BICD1: variants seen among roughly 807,000 people sequenced by gnomAD.
BICD1 encodes the protein BICD cargo adaptor 1.
Under a neutral mutation model 92.5 loss-of-function variants are expected in BICD1, and 35 were observed. The observed-to-expected ratio is 0.38, with a 90% CI of 0.29 to 0.50. The LOEUF is 0.50. Ranked by LOEUF, BICD1 falls within the 20% of genes least tolerant of loss-of-function variation. BICD1 has a pLI of 0.93. For missense variants in BICD1, 950 were observed against 1,189.8 expected (o/e 0.80, Z 2.97); for synonymous variants, 429 against 465.1 (o/e 0.92, Z 1.00).
intron 1 of BICD1, among the ~76,000 whole-genome samples, chr12:32,199,478 A>C (rs1396324993): frequency 1.3e-5 from 2 of 152,210 alleles, no homozygotes; most frequent in Non-Finnish European, 2.9e-5. Context: ...AACGAGAAGC[A>C]GATGAACTGG....
rs548419529 is a variant in BICD1 at position 32,196,249 on chromosome 12, T to C, written c.214-19998T>C. Among the ~76,000 whole-genome samples, 12 of 152,234 alleles carry C rather than the reference T, an allele frequency of 7.9e-5. No individual in the cohort carries two copies. In the East Asian group the frequency reaches 1.9e-3, roughly 24 times the overall value. On this transcript the variant is annotated intron_variant, in intron 1 of 9. Transcript: ENST00000652176. ...AAACAGTATGGACGTTCTTCCAAAA[T>C]TTAAAAAAAGAGCTACCATATGATC...
In BICD1 at chr12:32,294,131, G is replaced by A. The variant is rs781240433; in HGVS notation, c.564G>A (p.Thr188=). Residue 188 remains threonine (T), a synonymous_variant, in exon 3 of 10, where the codon ACG becomes ACA. Transcript: ENST00000652176. ...ENITLQKLVS[T]LKQNQVEYEG... ...TCACATTGCAGAAACTAGTGTCCAC[G>A]TTGAAGCAGAACCAGGTAAGGTTTA... 1.2e-5 allele frequency: 20 copies of A among 1,601,660 alleles called. No individual in the cohort carries two copies. Among genetic ancestry groups the A allele is most frequent in the Middle Eastern group, 1.7e-4 (1 of 6,058 alleles).
rs1229105891 is a variant in BICD1 at position 32,287,575 on chromosome 12, C to T, written c.427-6419C>T. Among the ~76,000 whole-genome samples the T allele has an allele frequency of 4.9e-5, 7 of 142,848 alleles. No individual in the cohort carries two copies. In the East Asian group the frequency reaches 6.6e-4, roughly 14 times the overall value. The allele number at this position is 142,848 out of a possible 152,430, so 93.7% of individuals were successfully genotyped here. On this transcript the variant is annotated intron_variant, in intron 2 of 9. Coordinates refer to ENST00000652176, the MANE Select transcript of BICD1 (RefSeq NM_001714.4). ...TTTTTGAGATGGAGTCTGTCTCTGTCGCCCAGGCTGGAGTGCAGTGGCACG... is the reference window on the plus strand; with the variant it reads ...TTTTTGAGATGGAGTCTGTCTCTGTTGCCCAGGCTGGAGTGCAGTGGCACG...
At chr12:32,166,719 G>T (rs1484952619) in intron 1 of BICD1, among the ~76,000 whole-genome samples, 2 of 152,174 alleles carry the variant, frequency 1.3e-5, no homozygotes, top group African/African-American at 4.8e-5. Flanking sequence ...TTACAGACAG[G>T]CGCCTGTCTC....
chr12:32,325,364 C>T (rs1318968760), intron 4 of BICD1, among the ~76,000 whole-genome samples: 1 of 152,262 alleles, frequency 6.6e-6, no homozygotes, highest in Admixed American at 6.5e-5. Context: ...GGCCGTTGGT[C>T]ATGATGTTAT....
At chr12:32,226,955 T>TG (rs1228265751) in intron 2 of BICD1, among the ~76,000 whole-genome samples, 33 of 152,116 alleles carry the variant, frequency 2.2e-4, no homozygotes, top group Admixed American at 3.3e-4. Context: ...TCCCACAGCT[T>TG]GGCACAGACC....
intron 2 of BICD1, among the ~76,000 whole-genome samples, chr12:32,245,382 A>G (rs1005764002): frequency 2.6e-5 from 4 of 152,170 alleles, no homozygotes; most frequent in Admixed American, 2.0e-4. Flanking sequence ...AGCTCAATTC[A>G]AGTGACTATT....
At chr12:32,125,938 G>T (rs1942314772) in intron 1 of BICD1, among the ~76,000 whole-genome samples, 1 of 151,192 alleles carries the variant, frequency 6.6e-6, no homozygotes, top group Non-Finnish European at 1.5e-5. Flanking sequence ...AGTCCCAGCT[G>T]CTCGGGAGCC....
intron 4 of BICD1, 63 bp downstream of exon 4, chr12:32,306,185 G>A: frequency 1.4e-6 from 2 of 1,410,782 alleles, no homozygotes; most frequent in South Asian, 2.8e-5. Flanking sequence ...GCATGTTGTG[G>A]GACTTCTGAT....
At chr12:32,301,513 G>A (rs931747134) in intron 3 of BICD1, among the ~76,000 whole-genome samples, 1 of 151,910 alleles carries the variant, frequency 6.6e-6, no homozygotes, top group East Asian at 1.9e-4. Flanking sequence ...AGTGGCTCAC[G>A]CCTGTAATCC....
chr12:32,245,031 C>A (rs1336949953), intron 2 of BICD1, among the ~76,000 whole-genome samples: 2 of 152,076 alleles, frequency 1.3e-5, no homozygotes, highest in African/African-American at 4.8e-5. Flanking sequence ...TCAGGCCCCA[C>A]CACTTATTTT....
chr12:32,137,858 C>T (rs926917563), intron 1 of BICD1, among the ~76,000 whole-genome samples: 14 of 151,672 alleles, frequency 9.2e-5, no homozygotes, highest in African/African-American at 3.4e-4. Context: ...AGTGCAGTGG[C>T]GCGATCTCAG....
chr12:32,278,822 C>T (rs1398529106), intron 2 of BICD1, among the ~76,000 whole-genome samples: 2 of 152,018 alleles, frequency 1.3e-5, no homozygotes, highest in African/African-American at 4.8e-5. Context: ...CGCCACTGCA[C>T]GCCAGCCTGG....
chr12:32,342,850 C>T (rs527987919), intron 8 of BICD1, among the ~76,000 whole-genome samples: 1 of 152,270 alleles, frequency 6.6e-6, no homozygotes, highest in East Asian at 1.9e-4. Context: ...TTTCTCCATT[C>T]TGGAGAATCA....
chr12:32,255,144 C>A (rs554945820), intron 2 of BICD1, among the ~76,000 whole-genome samples: 1 of 152,096 alleles, frequency 6.6e-6, no homozygotes, highest in South Asian at 2.1e-4. Flanking sequence ...TGCATCCTCA[C>A]GTGACTTTTC....
At chr12:32,298,955 C>T (rs752168964) in intron 3 of BICD1, among the ~76,000 whole-genome samples, 9 of 151,524 alleles carry the variant, frequency 5.9e-5, no homozygotes, top group African/African-American at 9.7e-5. Flanking sequence ...TTCATTTAAC[C>T]GGTATTTCAG....
At chr12:32,267,254 A>G (rs1385468620) in intron 2 of BICD1, among the ~76,000 whole-genome samples, 3 of 152,216 alleles carry the variant, frequency 2.0e-5, no homozygotes, top group Non-Finnish European at 4.4e-5. Context: ...ATCCCTGCAT[A>G]TGTACACAGT....
chr12:32,135,716 C>G (rs1178849726), intron 1 of BICD1, among the ~76,000 whole-genome samples: 2 of 152,094 alleles, frequency 1.3e-5, no homozygotes, highest in East Asian at 3.9e-4. Context: ...GAGCGTGAAT[C>G]TCTAATTCAC....
chr12:32,374,441 T>C (rs538257147), intron 9 of BICD1, among the ~76,000 whole-genome samples: 1 of 151,892 alleles, frequency 6.6e-6, no homozygotes, highest in South Asian at 2.1e-4. Context: ...GCAGAAAAAC[T>C]GTTAGGTCGA....
Sources: allele counts gnomAD v4.1 joint callset (sites outside exome capture counted in the v4.1 genomes callset), GRCh38; gene constraint gnomAD v4.1.1; transcripts MANE v1.5; gene names NCBI Gene and HGNC (gene_info 2026-07-23, HGNC 2026-07-21).